Variants in CYB5RL observed in about 807,000 individuals in gnomAD.
CYB5RL encodes NADH-cytochrome b5 reductase-like.
In CYB5RL, 38 loss-of-function variants were observed where a neutral mutation model predicts 37.5. That is an observed-to-expected ratio of 1.01 (90% confidence interval 0.78 to 1.33). The LOEUF (loss-of-function observed/expected upper bound fraction) is 1.33. Among genes scored for constraint, CYB5RL ranks in the 40% most tolerant of loss-of-function variants. The pLI, the probability that CYB5RL is intolerant of heterozygous loss-of-function variation, is 0.00. For missense variants in CYB5RL, 388 were observed against 394.4 expected (o/e 0.98, Z 0.14); for synonymous variants, 141 against 151.9 (o/e 0.93, Z 0.53).
chr1:54,190,887 AG>A lies in CYB5RL; in HGVS notation c.207del (p.Ser70ProfsTer3). On this transcript the variant is annotated frameshift_variant, in exon 4 of 8. Transcript: ENST00000534324. LOFTEE classifies it high-confidence loss of function. ...ACGAAGGTCTCTGGGTTCAGCTTGGAGGGGCAGCTCTGCAACAGGAAGAGAT... is the reference window on the plus strand; with the variant it reads ...ACGAAGGTCTCTGGGTTCAGCTTGGAGGGCAGCTCTGCAACAGGAAGAGAT... ...LLRGPESQSCPSKLNPETFVA... is the reference protein window; with the variant it reads ...LLRGPESQSCXSKLNPETFVA... 1.2e-6 allele frequency: 2 copies of A among 1,611,672 alleles called. No homozygotes were observed. Among genetic ancestry groups the A allele is most frequent in the Non-Finnish European group, 1.7e-6 (2 of 1,179,280 alleles).
chr1:54,199,986 G>A lies in CYB5RL; in HGVS notation c.-233C>T. The A allele has an allele frequency of 1.9e-6, 1 of 517,610 alleles. No homozygotes were observed. The highest frequency in any genetic ancestry group is 2.8e-5 in the South Asian group (1 of 35,700). 32.1% of individuals were successfully genotyped at this position (517,610 alleles called of 1,614,324 possible). ...ACCACGACCACTCACCTACTCGCCT[G>A]CGCTTCACCTCACGTGAGGATTTTC... On this transcript the variant is annotated 5_prime_UTR_variant, in exon 1 of 8. Transcript: ENST00000534324.
rs1570123648 is a variant in CYB5RL, at chr1:54,195,463, G to T, written c.154C>A (p.Gln52Lys). Residue 52 changes from glutamine to lysine, a missense_variant, in exon 3 of 8, where the codon CAA becomes AAA. Coordinates refer to ENST00000534324, the MANE Select transcript of CYB5RL (RefSeq NM_001031672.4). ...HRDLARWEAA[Q>K]ASKDRSLLRG... is the part of the protein sequence containing the mutation. ...AGCAGGCTCCTGTCCTTGCTGGCTT[G>T]GGCTGCCTCCCACCTTGCCAGATCT... 1.2e-6 allele frequency: 2 copies of T among 1,611,976 alleles called. No individual in the cohort carries two copies. Among genetic ancestry groups the T allele is most frequent in the African/African-American group, 2.7e-5 (2 of 74,986 alleles).
rs1225329536 is a variant in CYB5RL at position 54,190,401 on chromosome 1, C to T, written c.347+347G>A. On this transcript the variant is annotated intron_variant, in intron 4 of 7. Transcript: ENST00000534324. ...AAATCCTGGCTCCAACATTTCCTAA[C>T]TGTGTGACCTTGGCAAGTTTCTGGA... 6 of 526,854 alleles carry T rather than the reference C, an allele frequency of 1.1e-5. No individual in the cohort carries two copies. In the East Asian group the frequency reaches 1.6e-4, roughly 14 times the overall value. The allele number at this position is 526,854 out of a possible 1,614,324, so 32.6% of individuals were successfully genotyped here.
chr1:54,196,128 C>G (rs1194604404), intron 2 of CYB5RL, among the ~76,000 whole-genome samples: 3 of 152,206 alleles, frequency 2.0e-5, no homozygotes, highest in Non-Finnish European at 4.4e-5. Context: ...TTCCTGTGCT[C>G]TGAGTGCCAG....
chr1:54,174,579 T>C lies in CYB5RL; in HGVS notation c.*40A>G. On this transcript the variant is annotated 3_prime_UTR_variant, in exon 8 of 8. Coordinates refer to ENST00000534324, the MANE Select transcript of CYB5RL (RefSeq NM_001031672.4). ...GTCTGTGCTCCTTCCTGGGTCCCAG[T>C]AGCAGGCTCATGGCCTAGGCTTTGG... 2 of 1,569,728 alleles carry C rather than the reference T, an allele frequency of 1.3e-6. No individual in the cohort carries two copies. Among genetic ancestry groups the C allele is most frequent in the Non-Finnish European group, 8.6e-7 (1 of 1,157,824 alleles).
chr1:54,174,672 CTA>C lies in CYB5RL; in HGVS notation c.893_894del (p.Ile298SerfsTer11), dbSNP rs1424290692. 1 of 1,613,334 alleles carries C rather than the reference CTA, an allele frequency of 6.2e-7. No individual in the cohort carries two copies. The highest frequency in any genetic ancestry group is 1.3e-5 in the African/African-American group (1 of 74,932). On this transcript the variant is annotated frameshift_variant, in exon 8 of 8. Transcript: ENST00000534324. LOFTEE classifies it high-confidence loss of function. ...VCGSAEFTKD[I>X]ARCLLCAGLT... Reference sequence around the variant, plus strand: ...AGGCCTGCGCACAGTAAGCACCTGGCTATGTCTTTGGTGAACTCAGCCGAGCC... The same window carrying C: ...AGGCCTGCGCACAGTAAGCACCTGGCTGTCTTTGGTGAACTCAGCCGAGCC...
chr1:54,196,811 G>A (rs373052395), intron 1 of CYB5RL, among the ~76,000 whole-genome samples: 3 of 152,144 alleles, frequency 2.0e-5, no homozygotes, highest in East Asian at 1.9e-4. Flanking sequence ...AAAACATATC[G>A]TTCTTCAATC....
chr1:54,175,965 T>C (rs79867114), intron 7 of CYB5RL, among the ~76,000 whole-genome samples: 2,656 of 152,242 alleles, frequency 0.017, 35 homozygotes, highest in Middle Eastern at 0.065. Context: ...AAAAACCATC[T>C]TACAAGCCCA....
At position 54,171,489 on chromosome 1, in the gene CYB5RL, G is replaced by T. The variant is rs555341264; in HGVS notation, c.*3130C>A. On this transcript the variant is annotated 3_prime_UTR_variant, in exon 8 of 8. Transcript: ENST00000534324. ...AGACCCATGAGGGGAACACAGAAGTGACGTTGGTAAACATGGTGAGGGCTG... is the reference window on the plus strand; with the variant it reads ...AGACCCATGAGGGGAACACAGAAGTTACGTTGGTAAACATGGTGAGGGCTG... The T allele has an allele frequency of 1.5e-5, 7 of 452,432 alleles. No individual in the cohort carries two copies. The highest frequency in any genetic ancestry group is 9.3e-5 in the South Asian group (6 of 64,390). The allele number at this position is 452,432 out of a possible 1,614,324, so 28.0% of individuals were successfully genotyped here.
intron 4 of CYB5RL, among the ~76,000 whole-genome samples, chr1:54,190,060 TA>T (rs1643935653): frequency 6.6e-6 from 1 of 152,190 alleles, no homozygotes; most frequent in Non-Finnish European, 1.5e-5. Flanking sequence ...CAGATCTCTC[TA>T]CTGAGCCTCA....
chr1:54,179,135 C>T lies in CYB5RL; in HGVS notation c.744+14G>A, dbSNP rs1660091687. 1.2e-6 allele frequency: 2 copies of T among 1,608,574 alleles called. No individual in the cohort carries two copies. The highest frequency in any genetic ancestry group is 1.7e-6 in the Non-Finnish European group (2 of 1,177,738). On this transcript the variant is annotated intron_variant, in intron 7 of 7. Coordinates refer to ENST00000534324, the MANE Select transcript of CYB5RL (RefSeq NM_001031672.4). ...AGTCTCAATCAAAAAAGAAAGTCAC[C>T]ACCCTGGGCTCACCTGGCTGAGTAC...
intron 3 of CYB5RL, among the ~76,000 whole-genome samples, chr1:54,191,800 T>C (rs979353614): frequency 6.6e-6 from 1 of 152,170 alleles, no homozygotes; most frequent in Non-Finnish European, 1.5e-5. Context: ...GGATGACCTC[T>C]TCATCATCAG....
intron 6 of CYB5RL, among the ~76,000 whole-genome samples, chr1:54,179,633 C>T (rs1660109204): frequency 6.6e-6 from 1 of 152,194 alleles, no homozygotes; most frequent in African/African-American, 2.4e-5. Context: ...TAAAGCATCC[C>T]CACAAGGACT....
intron 6 of CYB5RL, among the ~76,000 whole-genome samples, chr1:54,183,805 G>A (rs533849965): frequency 4.6e-5 from 7 of 152,192 alleles, no homozygotes; most frequent in African/African-American, 1.7e-4. Context: ...GAGAAACCCT[G>A]TATCTACTAA....
At chr1:54,190,358 G>A (rs1369701481) in intron 4 of CYB5RL, among the ~76,000 whole-genome samples, 1 of 152,196 alleles carries the variant, frequency 6.6e-6, no homozygotes, top group African/African-American at 2.4e-5. Flanking sequence ...AAGCTCTAAA[G>A]CCACATTGCT....
At chr1:54,193,290 C>A (rs1643973420) in intron 3 of CYB5RL, among the ~76,000 whole-genome samples, 1 of 152,174 alleles carries the variant, frequency 6.6e-6, no homozygotes, top group Admixed American at 6.5e-5. Flanking sequence ...CCCTTCTCTT[C>A]CAGAACTGAT....
rs750860548 is a variant in CYB5RL at position 54,195,564 on chromosome 1, A to G, written c.53T>C (p.Leu18Pro). The part of the protein sequence containing the change: ...DDDTEEAWMQ[L>P]RPTEPLPSQC... Reference sequence around the variant, plus strand: ...GGAAGGCAAGGGTTCTGTGGGCCGTAGCTGCATCCAGGCTTCCTCAGTGTC... The same window carrying G: ...GGAAGGCAAGGGTTCTGTGGGCCGTGGCTGCATCCAGGCTTCCTCAGTGTC... The change falls in exon 3 of 8, where the codon CTA becomes CCA. Residue 18 changes from leucine (L) to proline (P), a missense_variant. By Grantham distance (98) the Leu-to-Pro change is moderately conservative. Transcript: ENST00000534324. 3.7e-6 allele frequency: 6 copies of G among 1,613,740 alleles called. No individual in the cohort carries two copies. In the South Asian group the frequency reaches 6.6e-5, roughly 18 times the overall value.
intron 3 of CYB5RL, among the ~76,000 whole-genome samples, chr1:54,194,840 T>C (rs1643991493): frequency 6.6e-6 from 1 of 152,198 alleles, no homozygotes; most frequent in Non-Finnish European, 1.5e-5. Flanking sequence ...TCAGTTTCCC[T>C]ATCTGTGTTA....
intron 4 of CYB5RL, chr1:54,190,472 A>G (rs984280234): frequency 1.5e-5 from 9 of 591,490 alleles, no homozygotes; most frequent in Non-Finnish European, 2.1e-5. Context: ...CACCTACCAC[A>G]CAGGATTTTG....
Sources: gnomAD v4.1 joint callset for allele counts (sites outside exome capture counted in the v4.1 genomes callset) on GRCh38, gnomAD v4.1.1 for gene constraint, MANE v1.5 for transcripts, NCBI Gene and HGNC (gene_info 2026-07-23, HGNC 2026-07-21) for gene names.